WDR81: variants seen among roughly 807,000 people sequenced by gnomAD.
WDR81 encodes the protein WD repeat domain 81, also known as WD repeat-containing protein 81.
Under a neutral mutation model 140.8 loss-of-function variants are expected in WDR81, and 92 were observed. That is an observed-to-expected ratio of 0.65 (90% CI 0.55 to 0.78). The LOEUF is 0.78. Among genes scored for constraint, WDR81 ranks in the 30% least tolerant of loss-of-function variants. WDR81 has a pLI of 0.00. For missense variants in WDR81, 2,502 were observed against 2,636.4 expected (o/e 0.95, Z 1.12); for synonymous variants, 1,183 against 1,156.4 (o/e 1.02, Z -0.47).
At chr17:1,716,904 C>T (rs576157778) in intron 1 of WDR81, 16 of 562,268 alleles carry the variant, frequency 2.8e-5, no homozygotes, top group Non-Finnish European at 4.7e-5. Flanking sequence ...CCTCGCCCAG[C>T]CCACTCCTCC....
At chr17:1,736,343 G>A in intron 9 of WDR81, 125 bp downstream of exon 9, 1 of 1,190,104 alleles carries the variant, frequency 8.4e-7, no homozygotes, top group Non-Finnish European at 1.1e-6. Context: ...CCTGGTCCAG[G>A]ACTAACTGGG....
Position 1,737,782 on chromosome 17 carries a change from C to T in WDR81, c.*97C>T. 7.0e-7 allele frequency: 1 copy of T among 1,436,244 alleles called. No homozygotes were observed. The highest frequency in any genetic ancestry group is 1.4e-5 in the South Asian group (1 of 71,418). The allele number at this position is 1,436,244 out of a possible 1,614,324, so 89.0% of individuals were successfully genotyped here. On this transcript the variant is annotated 3_prime_UTR_variant, in exon 10 of 10. Coordinates refer to ENST00000409644, the MANE Select transcript of WDR81 (RefSeq NM_001163809.2). The stretch of plus-strand genomic sequence containing the variant: ...GAGCAGCAGCTCCCTCCAGGGAGGC[C>T]CTGGGTCCCACGCCCTGGGTGCCCA...
Position 1,735,739 on chromosome 17 carries a change from G to C in WDR81, c.5325+22G>C. The C allele has an allele frequency of 2.5e-6, 4 of 1,596,810 alleles. No homozygotes were observed. The highest frequency in any genetic ancestry group is 3.4e-6 in the Non-Finnish European group (4 of 1,170,856). On this transcript the variant is annotated intron_variant, in intron 8 of 9. Transcript: ENST00000409644. This position sits in a 1 kb window ranked among gnomAD's most constrained non-coding sequence, Gnocchi z 4.2. The stretch of plus-strand genomic sequence containing the variant: ...GCAGGTCAGGGGGGTCCAGTTCCCT[G>C]AGCACTCGCCTGGTTCTCTGGGGAC...
upstream of WDR81, among the ~76,000 whole-genome samples, chr17:1,723,148 C>G (rs1166699005): frequency 2.6e-5 from 4 of 152,200 alleles, no homozygotes; most frequent in Admixed American, 2.6e-4. Context: ...TGAGTCAGAA[C>G]TAAGACCCCT....
intron 1 of WDR81, among the ~76,000 whole-genome samples, chr17:1,719,121 C>T (rs1049291249): frequency 6.6e-6 from 1 of 152,200 alleles, no homozygotes; most frequent in Non-Finnish European, 1.5e-5. Flanking sequence ...CTGTGTTAGG[C>T]ACACTTAGAT....
chr17:1,727,390 C>A lies in WDR81; in HGVS notation c.2431C>A (p.Pro811Thr), dbSNP rs1190962358. 2 of 1,550,286 alleles carry A rather than the reference C, an allele frequency of 1.3e-6. No individual in the cohort carries two copies. Among genetic ancestry groups the A allele is most frequent in the Admixed American group, 3.9e-5 (2 of 51,004 alleles). ...TGTCCGAGGGCTCTGCACGCGCCAC[C>A]CCAAGGAGGTCCCTGTGTCTTTGCA... ...QAVRGLCTRH[P>T]KEVPVSLQPV... Residue 811 changes from proline (P) to threonine (T), a missense_variant, in exon 1 of 10, where the codon CCC (proline) becomes ACC (threonine). By Grantham distance (38) the Pro-to-Thr change is conservative (BLOSUM62 -1). Coordinates refer to ENST00000409644, the MANE Select transcript of WDR81 (RefSeq NM_001163809.2).
Position 1,726,422 on chromosome 17 carries a change from C to A in WDR81, c.1463C>A (p.Pro488Gln). 2 of 1,549,144 alleles carry A rather than the reference C, an allele frequency of 1.3e-6. No individual in the cohort carries two copies. Among genetic ancestry groups the A allele is most frequent in the Non-Finnish European group, 1.7e-6 (2 of 1,146,594 alleles). ...ASMERMQNWT[P>Q]DECIPEFYTD... ...ATGGAGCGGATGCAGAACTGGACCC[C>A]GGATGAGTGCATTCCGGAGTTCTAC... The change falls in exon 1 of 10, where the codon CCG (proline) becomes CAG (glutamine). Residue 488 changes from proline to glutamine, a missense_variant. By Grantham distance (76) the Pro-to-Gln change is moderately conservative. Around this residue, in one of 3 missense-constraint regions of WDR81, gnomAD observed 218 missense variants for 279.6 expected, o/e 0.78. Transcript: ENST00000409644.
In WDR81 at chr17:1,726,966, T is replaced by A. The variant is rs1197033931; in HGVS notation, c.2007T>A (p.Ile669=). The change falls in exon 1 of 10, where the codon ATT becomes ATA. Residue 669 remains isoleucine, a synonymous_variant. Coordinates refer to ENST00000409644, the MANE Select transcript of WDR81 (RefSeq NM_001163809.2). ...LEQATEALDS[I]SLAGKAGDQL... ...AGGCCACAGAAGCTCTGGATTCCAT[T>A]TCCCTTGCTGGGAAAGCAGGTGACC... 6.4e-7 allele frequency: 1 copy of A among 1,550,440 alleles called. No individual in the cohort carries two copies. Among genetic ancestry groups the A allele is most frequent in the African/African-American group, 1.4e-5 (1 of 73,172 alleles).
At chr17:1,724,676 G>A (rs1915088865), upstream of WDR81, 1 of 1,055,676 alleles carries the variant, frequency 9.5e-7, no homozygotes, top group Non-Finnish European at 1.1e-6. Flanking sequence ...GCTTGTTTCC[G>A]TGCTGGGGCG....
chr17:1,729,535 C>G (rs760531194), intron 1 of WDR81, among the ~76,000 whole-genome samples: 9 of 152,014 alleles, frequency 5.9e-5, no homozygotes, highest in Non-Finnish European at 1.2e-4. Context: ...TCAGAGCAGG[C>G]TTCCTTAAAA....
rs1223449029 is a variant in WDR81, at chr17:1,727,064, G to A, written c.2105G>A (p.Arg702His). The A allele has an allele frequency of 3.9e-6, 6 of 1,550,002 alleles. No homozygotes were observed. The highest frequency in any genetic ancestry group is 2.4e-5 in the East Asian group (1 of 40,942). ...GTGGCCTCAGCCTCCCGTCCAGGCC[G>A]CAGGAATAAAGCTGCTGGGGCAGAC... ...FSVASASRPG[R>H]RNKAAGADPG... Residue 702 changes from arginine to histidine, a missense_variant, in exon 1 of 10, where the codon CGC becomes CAC. Around this residue, in one of 3 missense-constraint regions of WDR81, gnomAD observed 1,737 missense variants for 1,843.0 expected, o/e 0.94. Transcript: ENST00000409644.
Position 1,737,863 on chromosome 17 carries a change from C to A in WDR81, c.*178C>A. On this transcript the variant is annotated 3_prime_UTR_variant, in exon 10 of 10. Coordinates refer to ENST00000409644, the MANE Select transcript of WDR81 (RefSeq NM_001163809.2). ...AGTGGGGGAGTCCTGGCCCCTGAATCACCAGAGCCACCAAGCCTGCCAGAG... is the reference window on the plus strand; with the variant it reads ...AGTGGGGGAGTCCTGGCCCCTGAATAACCAGAGCCACCAAGCCTGCCAGAG... 1 of 755,756 alleles carries A rather than the reference C, an allele frequency of 1.3e-6. No homozygotes were observed. Among genetic ancestry groups the A allele is most frequent in the Non-Finnish European group, 2.1e-6 (1 of 480,298 alleles). 46.8% of individuals were successfully genotyped at this position (755,756 alleles called of 1,614,324 possible).
Position 1,736,161 on chromosome 17 carries a change from C to G in WDR81, c.5448C>G (p.Arg1816=), listed in dbSNP as rs1399472389. 1 of 1,601,442 alleles carries G rather than the reference C, an allele frequency of 6.2e-7. No homozygotes were observed. The highest frequency in any genetic ancestry group is 8.5e-7 in the Non-Finnish European group (1 of 1,179,818). Reference sequence around the variant, plus strand: ...GCTTCATGGTGCTCCTGGACACCCGCACAGGCCTGGTTCTGCGAGGCTGGC... The same window carrying G: ...GCTTCATGGTGCTCCTGGACACCCGGACAGGCCTGGTTCTGCGAGGCTGGC... ...SSGFMVLLDT[R]TGLVLRGWPA... Residue 1816 remains arginine, a synonymous_variant, in exon 9 of 10, where the codon CGC becomes CGG. Transcript: ENST00000409644.
rs1915338604 is a variant in WDR81, at chr17:1,727,194, A to C, written c.2235A>C (p.Leu745=). The change falls in exon 1 of 10, where the codon CTA becomes CTC. Residue 745 remains leucine, a synonymous_variant. Transcript: ENST00000409644. ...CGGGCAACTTCTTGGCCAAAGGCCT[A>C]GGGGGCCTGTTGGAGGTGCCTGAGC... The part of the protein sequence containing the change: ...EKTGNFLAKG[L]GGLLEVPEQP... 5 of 1,549,686 alleles carry C rather than the reference A, an allele frequency of 3.2e-6. No homozygotes were observed. Among genetic ancestry groups the C allele is most frequent in the Non-Finnish European group, 3.5e-6 (4 of 1,146,572 alleles).
At position 1,728,487 on chromosome 17, in the gene WDR81, C is replaced by T. The variant is rs148375698; in HGVS notation, c.3528C>T (p.Thr1176=). The change falls in exon 1 of 10, where the codon ACC becomes ACT. Residue 1176 remains threonine (T), a synonymous_variant. Coordinates refer to ENST00000409644, the MANE Select transcript of WDR81 (RefSeq NM_001163809.2). ...EEEEGEQEEV[T]GASELTLSDT... ...AGGAGGGGGAGCAGGAGGAGGTCAC[C>T]GGGGCATCTGAGCTCACTCTGTCTG... 1.1e-3 allele frequency: 1,721 copies of T among 1,600,688 alleles called. 8 individuals carry two copies. In the Middle Eastern group the frequency reaches 0.018, roughly 16 times the overall value.
In WDR81 at chr17:1,726,968, C is replaced by G; in HGVS notation, c.2009C>G (p.Ser670Cys). The G allele has an allele frequency of 6.4e-7, 1 of 1,550,462 alleles. No individual in the cohort carries two copies. Among genetic ancestry groups the G allele is most frequent in the Non-Finnish European group, 8.7e-7 (1 of 1,146,986 alleles). Residue 670 changes from serine (S) to cysteine (C), a missense_variant, in exon 1 of 10, where the codon TCC becomes TGC. Around this residue, in one of 3 missense-constraint regions of WDR81, gnomAD observed 1,737 missense variants for 1,843.0 expected, o/e 0.94. Transcript: ENST00000409644. Reference protein sequence around the residue: ...EQATEALDSISLAGKAGDQLG... With the variant: ...EQATEALDSICLAGKAGDQLG... ...GCCACAGAAGCTCTGGATTCCATTTCCCTTGCTGGGAAAGCAGGTGACCAG... is the reference window on the plus strand; with the variant it reads ...GCCACAGAAGCTCTGGATTCCATTTGCCTTGCTGGGAAAGCAGGTGACCAG...
Position 1,726,363 on chromosome 17 carries a change from C to T in WDR81, c.1404C>T (p.Arg468=), listed in dbSNP as rs563017159. 56 of 1,548,962 alleles carry T rather than the reference C, an allele frequency of 3.6e-5. 2 individuals are homozygous for T. In the Admixed American group the frequency reaches 9.6e-4, roughly 27 times the overall value. ...TPRSVLCGHV[R]AQWEPHEYPA... is the part of the protein sequence containing the mutation. ...GGTCGGTGCTCTGCGGACACGTCCGCGCGCAGTGGGAGCCCCATGAGTATC... is the reference window on the plus strand; with the variant it reads ...GGTCGGTGCTCTGCGGACACGTCCGTGCGCAGTGGGAGCCCCATGAGTATC... The change falls in exon 1 of 10, where the codon CGC becomes CGT. Residue 468 remains arginine (R), a synonymous_variant. Coordinates refer to ENST00000409644, the MANE Select transcript of WDR81 (RefSeq NM_001163809.2).
chr17:1,725,993 T>C lies in WDR81; in HGVS notation c.1034T>C (p.Leu345Pro). 6.5e-7 allele frequency: 1 copy of C among 1,548,748 alleles called. No individual in the cohort carries two copies. The highest frequency in any genetic ancestry group is 8.7e-7 in the Non-Finnish European group (1 of 1,145,704). The part of the protein sequence containing the change: ...QPGQPTGQEE[L>P]RSLVLDWVHG... ...GGGCAACCCACTGGCCAGGAGGAAC[T>C]TCGGAGCCTCGTGCTAGATTGGGTC... is the stretch of plus-strand genomic sequence containing the variant. The change falls in exon 1 of 10, where the codon CTT becomes CCT. Residue 345 changes from leucine to proline, a missense_variant. By Grantham distance (98) the Leu-to-Pro change is moderately conservative. Coordinates refer to ENST00000409644, the MANE Select transcript of WDR81 (RefSeq NM_001163809.2).
intron 2 of WDR81, 95 bp from the exon 3 acceptor site, chr17:1,730,660 C>G: frequency 2.7e-6 from 4 of 1,469,052 alleles, no homozygotes; most frequent in Admixed American, 4.5e-5. Flanking sequence ...GGGCCCCCAG[C>G]TAGAGTGAGC....
Sources: allele counts gnomAD v4.1 joint callset (sites outside exome capture counted in the v4.1 genomes callset), GRCh38; gene constraint gnomAD v4.1.1; regional missense constraint gnomAD v4.1.1; non-coding constraint Gnocchi (gnomAD v3.1); transcripts MANE v1.5; gene names NCBI Gene and HGNC (gene_info 2026-07-23, HGNC 2026-07-21).